Variants in AEBP2 observed in about 807,000 individuals in gnomAD.
AEBP2 encodes zinc finger protein AEBP2.
A neutral mutation model predicts 50.8 loss-of-function variants in AEBP2; 10 were observed. The ratio of observed to expected loss-of-function variants is 0.20; its 90% CI spans 0.12 to 0.33. The LOEUF (loss-of-function observed/expected upper bound fraction) is 0.33. AEBP2 is among the 10% of genes least tolerant of loss of function. The probability of loss-of-function intolerance (pLI) is 1.00; values close to 1 mark genes in which losing one functional copy is unlikely to be tolerated. For synonymous variants in AEBP2, 296 were observed against 261.3 expected (o/e 1.13, Z -1.28); for missense variants, 570 against 688.0 (o/e 0.83, Z 1.92).
chr12:19,465,768 A>G (rs140279137), intron 2 of AEBP2, among the ~76,000 whole-genome samples: 222 of 149,024 alleles, frequency 1.5e-3, no homozygotes, highest in African/African-American at 5.2e-3. Flanking sequence ...GTGCTTTGAG[A>G]TTGGCTTTTG....
chr12:19,420,314 C>T (rs2095744949), intron 1 of AEBP2, among the ~76,000 whole-genome samples: 1 of 149,934 alleles, frequency 6.7e-6, no homozygotes, highest in South Asian at 2.1e-4. Context: ...CAGGCATGAG[C>T]CACTGTGCTG....
At chr12:19,512,328 G>T in intron 5 of AEBP2, 70 bp from the exon 6 acceptor site, 1 of 1,166,136 alleles carries the variant, frequency 8.6e-7, no homozygotes, top group South Asian at 1.5e-5. Flanking sequence ...CCCCAAAAGT[G>T]TTTTTTAACA....
intron 5 of AEBP2, among the ~76,000 whole-genome samples, chr12:19,505,920 A>T (rs1397638919): frequency 6.6e-6 from 1 of 151,050 alleles, no homozygotes; most frequent in African/African-American, 2.4e-5. Context: ...GGTCTGTAGG[A>T]GCACACCACG....
intron 3 of AEBP2, among the ~76,000 whole-genome samples, chr12:19,481,092 CTTTTT>C (rs71067027): frequency 0.022 from 1,620 of 73,886 alleles, 154 homozygotes; most frequent in South Asian, 0.048. Context: ...GCAGTGCATC[CTTTTT>C]TTTTTTTTTT....
At chr12:19,446,099 T>TG (rs1431582388) in intron 1 of AEBP2, 1 of 92,182 alleles carries the variant, frequency 1.1e-5, no homozygotes, top group African/African-American at 3.2e-5. Flanking sequence ...AGTTTTCTAG[T>TG]AATGGCAGTG....
Position 19,493,779 on chromosome 12 carries a change from TTC to T in AEBP2, c.988-19_988-18del. The T allele has an allele frequency of 6.2e-7, 1 of 1,609,826 alleles. No individual in the cohort carries two copies. The highest frequency in any genetic ancestry group is 8.5e-7 in the Non-Finnish European group (1 of 1,177,752). Reference sequence around the variant, plus strand: ...CCCTACACAGCATGCCTGACGTTATTTCTGTTTTATTTTCTTTTAGTGTGTTG... The same window carrying T: ...CCCTACACAGCATGCCTGACGTTATTTGTTTTATTTTCTTTTAGTGTGTTG... On this transcript the variant is annotated intron_variant, in intron 3 of 7. Transcript: ENST00000266508.
intron 2 of AEBP2, 108 bp downstream of exon 2, chr12:19,462,825 C>G (rs2153370301): frequency 9.8e-7 from 1 of 1,016,422 alleles, no homozygotes. Flanking sequence ...TATTTTTACA[C>G]AGGCTTAGTT....
chr12:19,468,050 TAAAAA>T (rs999778686), intron 2 of AEBP2, among the ~76,000 whole-genome samples: 1 of 149,954 alleles, frequency 6.7e-6, no homozygotes, highest in Admixed American at 6.7e-5. Flanking sequence ...TCTGTCTCAT[TAAAAA>T]AAAGAAAAAG....
At chr12:19,430,202 C>T (rs1858912516) in intron 1 of AEBP2, among the ~76,000 whole-genome samples, 1 of 152,142 alleles carries the variant, frequency 6.6e-6, no homozygotes, top group African/African-American at 2.4e-5. Context: ...TATGGCTAGC[C>T]AGTTTTCCCA....
intron 1 of AEBP2, among the ~76,000 whole-genome samples, chr12:19,452,133 C>T (rs970358877): frequency 2.6e-5 from 4 of 152,072 alleles, no homozygotes; most frequent in African/African-American, 9.7e-5. Context: ...TCAAGTGATC[C>T]GCCCACCTCA....
intron 3 of AEBP2, among the ~76,000 whole-genome samples, chr12:19,480,054 A>G (rs576777853): frequency 2.0e-5 from 3 of 149,810 alleles, no homozygotes; most frequent in Admixed American, 2.0e-4. Flanking sequence ...TTTTTTCTTC[A>G]TTGTGTTATT....
At chr12:19,449,946 G>T (rs1948138008) in intron 1 of AEBP2, among the ~76,000 whole-genome samples, 1 of 152,158 alleles carries the variant, frequency 6.6e-6, no homozygotes, top group African/African-American at 2.4e-5. Context: ...GATCATATGG[G>T]AGCAGAATTC....
intron 2 of AEBP2, among the ~76,000 whole-genome samples, chr12:19,466,243 C>T (rs950419866): frequency 6.6e-6 from 1 of 152,018 alleles, no homozygotes; most frequent in Non-Finnish European, 1.5e-5. Context: ...GTTGGTAGAT[C>T]GCTTGAGCTC....
At chr12:19,498,536 A>C (rs1395587523) in intron 4 of AEBP2, among the ~76,000 whole-genome samples, 4 of 151,928 alleles carry the variant, frequency 2.6e-5, no homozygotes, top group African/African-American at 9.7e-5. Context: ...CTCTTTGAAT[A>C]GCCATAGTGT....
At chr12:19,469,589 C>T (rs750842469) in intron 2 of AEBP2, among the ~76,000 whole-genome samples, 5 of 152,138 alleles carry the variant, frequency 3.3e-5, no homozygotes, top group Non-Finnish European at 7.3e-5. Context: ...GTAGTTGGGA[C>T]TACAGGCATG....
intron 1 of AEBP2, among the ~76,000 whole-genome samples, chr12:19,449,136 A>G (rs899424855): frequency 6.6e-6 from 1 of 152,222 alleles, no homozygotes; most frequent in Non-Finnish European, 1.5e-5. Flanking sequence ...TCAGAAATGC[A>G]TACTGAAATC....
chr12:19,465,896 A>G (rs920183409), intron 2 of AEBP2, among the ~76,000 whole-genome samples: 7 of 150,574 alleles, frequency 4.6e-5, no homozygotes, highest in Non-Finnish European at 1.0e-4. Context: ...GGTTCAAGCA[A>G]TTCTGCTGCC....
intron 1 of AEBP2, among the ~76,000 whole-genome samples, chr12:19,422,600 G>A (rs935194741): frequency 2.6e-5 from 4 of 151,948 alleles, no homozygotes; most frequent in Admixed American, 6.6e-5. Flanking sequence ...GGATTCAAGC[G>A]ATTCTCCTGC....
chr12:19,481,006 C>T (rs1446098679), intron 3 of AEBP2, among the ~76,000 whole-genome samples: 1 of 143,394 alleles, frequency 7.0e-6, no homozygotes, highest in East Asian at 2.1e-4. Flanking sequence ...TTTTCTTTGT[C>T]TTTGTCTGAT....
Sources: allele counts gnomAD v4.1 joint callset (sites outside exome capture counted in the v4.1 genomes callset), GRCh38; gene constraint gnomAD v4.1.1; transcripts MANE v1.5; gene names NCBI Gene and HGNC (gene_info 2026-07-23, HGNC 2026-07-21).